Variants in COL6A6 observed in about 807,000 individuals in gnomAD.
COL6A6 encodes the protein collagen type VI alpha 6 chain.
COL6A6 carries 183 observed loss-of-function variants against 208.6 expected under a neutral mutation model. The ratio of observed to expected loss-of-function variants is 0.88; its 90% CI spans 0.78 to 0.99. COL6A6 has a LOEUF of 0.99. Among genes scored for constraint, COL6A6 ranks in the 50% least tolerant of loss-of-function variants. COL6A6 has a pLI of 0.00. For synonymous variants in COL6A6, 973 were observed against 1,011.8 expected (o/e 0.96, Z 0.73); for missense variants, 2,816 against 2,815.2 (o/e 1.00, Z -0.01).
rs1201147108 is a variant in COL6A6 at position 130,661,721 on chromosome 3, C to T, written c.5915C>T (p.Ala1972Val). 1.9e-6 allele frequency: 3 copies of T among 1,613,962 alleles called. No homozygotes were observed. The highest frequency in any genetic ancestry group is 1.7e-5 in the Admixed American group (1 of 60,016). Reference sequence around the variant, plus strand: ...ATGGATGCTGCTTTCCTTCTGGATGCCTCCCGGAACATGGGAAGTGCTGAA... The same window carrying T: ...ATGGATGCTGCTTTCCTTCTGGATGTCTCCCGGAACATGGGAAGTGCTGAA... ...SYMDAAFLLD[A>V]SRNMGSAEFE... Residue 1972 changes from alanine (A) to valine (V), a missense_variant, in exon 35 of 37, where the codon GCC (alanine) becomes GTC (valine). Physicochemically the swap from Ala to Val is moderately conservative, Grantham distance 64. Transcript: ENST00000358511.
intron 20 of COL6A6, among the ~76,000 whole-genome samples, chr3:130,605,149 G>A (rs1038127154): frequency 2.0e-5 from 3 of 152,140 alleles, no homozygotes; most frequent in South Asian, 4.1e-4. Context: ...TACATCCTCT[G>A]CCTGTAGGAC....
intron 1 of COL6A6, among the ~76,000 whole-genome samples, chr3:130,531,438 A>G (rs2107706278): frequency 6.6e-6 from 1 of 152,312 alleles, no homozygotes; most frequent in Non-Finnish European, 1.5e-5. Flanking sequence ...TGGTATAAAA[A>G]GGAAAATGTA....
intron 19 of COL6A6, among the ~76,000 whole-genome samples, chr3:130,599,457 G>A (rs1376022369): frequency 2.6e-5 from 4 of 151,780 alleles, no homozygotes; most frequent in African/African-American, 4.9e-5. Flanking sequence ...CCACACTGTG[G>A]CAACGTAGTA....
In COL6A6 at chr3:130,568,069, C is replaced by T; in HGVS notation, c.1866C>T (p.Asp622=). Residue 622 remains aspartate (D), a synonymous_variant, in exon 6 of 37, where the codon GAC becomes GAT. Transcript: ENST00000358511. ...TEEACKEMKA[D]IMFLVDSSGS... ...CAGCTTGCAAAGAGATGAAAGCTGA[C>T]ATCATGTTTCTGGTGGACAGTTCTG... The T allele has an allele frequency of 6.2e-7, 1 of 1,611,206 alleles. No individual in the cohort carries two copies. Among genetic ancestry groups the T allele is most frequent in the Non-Finnish European group, 8.5e-7 (1 of 1,178,638 alleles).
chr3:130,641,228 A>G (rs560187373), intron 28 of COL6A6, among the ~76,000 whole-genome samples: 1 of 145,108 alleles, frequency 6.9e-6, no homozygotes, highest in South Asian at 2.2e-4. Context: ...GCCTGTTACA[A>G]CAACAAACAG....
At chr3:130,624,044 C>T (rs2064814312) in intron 24 of COL6A6, among the ~76,000 whole-genome samples, 1 of 151,984 alleles carries the variant, frequency 6.6e-6, no homozygotes, top group East Asian at 1.9e-4. Flanking sequence ...GGAGACAGGA[C>T]TGCAAAGGAC....
At chr3:130,602,979 G>A (rs972683160) in intron 20 of COL6A6, among the ~76,000 whole-genome samples, 1 of 152,166 alleles carries the variant, frequency 6.6e-6, no homozygotes, top group Non-Finnish European at 1.5e-5. Context: ...ATGTTACAAT[G>A]AGCATGGAGG....
At chr3:130,652,332 C>T (rs1177100647) in intron 33 of COL6A6, among the ~76,000 whole-genome samples, 2 of 152,170 alleles carry the variant, frequency 1.3e-5, no homozygotes, top group African/African-American at 4.8e-5. Context: ...TGGAGAGGTA[C>T]CTCTTCTCAT....
intron 36 of COL6A6, among the ~76,000 whole-genome samples, chr3:130,668,150 G>A (rs1559805572): frequency 1.3e-5 from 2 of 151,902 alleles, no homozygotes; most frequent in Admixed American, 1.3e-4. Context: ...GTTACAATCA[G>A]AGATTGATGG....
chr3:130,590,124 A>G (rs1009394840), intron 12 of COL6A6: 10 of 370,804 alleles, frequency 2.7e-5, no homozygotes, highest in African/African-American at 1.9e-4. Context: ...AGTGGCAAAT[A>G]TAGCTGTGTT....
At chr3:130,576,542 A>G (rs191976725) in intron 8 of COL6A6, among the ~76,000 whole-genome samples, 3 of 152,346 alleles carry the variant, frequency 2.0e-5, no homozygotes, top group African/African-American at 7.2e-5. Context: ...TATTAGGCAG[A>G]AAATTCTCTC....
chr3:130,605,614 A>G (rs938389789), intron 20 of COL6A6, among the ~76,000 whole-genome samples: 1 of 152,136 alleles, frequency 6.6e-6, no homozygotes, highest in Admixed American at 6.5e-5. Context: ...TCTCATGATG[A>G]TTCATCAGTT....
chr3:130,600,160 A>G (rs560055274), intron 20 of COL6A6, among the ~76,000 whole-genome samples: 1 of 152,360 alleles, frequency 6.6e-6, no homozygotes, highest in East Asian at 1.9e-4. Flanking sequence ...TTTCTTTGCC[A>G]AATTGTATGA....
rs140808988 is a variant in COL6A6 at position 130,588,788 on chromosome 3, C to T, written c.4126-302C>T. 6.6e-3 allele frequency among the ~76,000 whole-genome samples: 1,009 copies of T among 152,174 alleles called. 9 individuals are homozygous for T. Among genetic ancestry groups the T allele is most frequent in the African/African-American group, 0.023 (958 of 41,494 alleles). On this transcript the variant is annotated intron_variant, in intron 11 of 36. Coordinates refer to ENST00000358511, the MANE Select transcript of COL6A6 (RefSeq NM_001102608.3). ...GAGATGGGGCAGGGACAGACAACCACATCAGTTGGCATGCAGTCAGTTTGC... is the reference window on the plus strand; with the variant it reads ...GAGATGGGGCAGGGACAGACAACCATATCAGTTGGCATGCAGTCAGTTTGC...
At chr3:130,613,065 A>T (rs886326364) in intron 23 of COL6A6, among the ~76,000 whole-genome samples, 21 of 152,104 alleles carry the variant, frequency 1.4e-4, no homozygotes, top group African/African-American at 4.8e-4. Context: ...CGCCTTTGTC[A>T]TCTTTCTCAT....
chr3:130,590,092 C>T (rs936701589), intron 12 of COL6A6: 14 of 405,362 alleles, frequency 3.5e-5, no homozygotes, highest in East Asian at 2.9e-4. Flanking sequence ...TTTTAATAAA[C>T]GGAGAATAAT....
At chr3:130,531,297 AC>A (rs1365597590) in intron 1 of COL6A6, among the ~76,000 whole-genome samples, 3 of 135,750 alleles carry the variant, frequency 2.2e-5, no homozygotes, top group African/African-American at 1.1e-4. Context: ...TTAGCAGCAT[AC>A]TAACAACAGT....
chr3:130,581,069 T>TAGAAATATAA (rs2063407805), intron 8 of COL6A6, among the ~76,000 whole-genome samples: 1 of 152,156 alleles, frequency 6.6e-6, no homozygotes, highest in Non-Finnish European at 1.5e-5. Context: ...AGGCCCTTTT[T>TAGAAATATAA]AGAAATATAA....
chr3:130,643,396 C>T (rs569607759), intron 31 of COL6A6, among the ~76,000 whole-genome samples: 5 of 152,260 alleles, frequency 3.3e-5, no homozygotes, highest in South Asian at 2.1e-4. Context: ...ATGAAAGAAG[C>T]AGCCGTGATA....
Sources: allele counts gnomAD v4.1 joint callset (sites outside exome capture counted in the v4.1 genomes callset), GRCh38; gene constraint gnomAD v4.1.1; transcripts MANE v1.5; gene names NCBI Gene and HGNC (gene_info 2026-07-23, HGNC 2026-07-21).